Variants in KCTD1 observed in about 807,000 individuals in gnomAD.
KCTD1 encodes BTB/POZ domain-containing protein KCTD1.
In KCTD1, 24 loss-of-function variants were observed where a neutral mutation model predicts 66.0. That is an observed-to-expected ratio of 0.36 (90% CI 0.26 to 0.51). The LOEUF (loss-of-function observed/expected upper bound fraction) is 0.51, where lower values mean the gene tolerates loss of function less well. Ranked by LOEUF, KCTD1 falls within the 20% of genes least tolerant of loss-of-function variation. The probability of loss-of-function intolerance (pLI) is 0.95; values close to 1 mark genes in which losing one functional copy is unlikely to be tolerated. For synonymous variants in KCTD1, 511 were observed against 517.2 expected (o/e 0.99, Z 0.16); for missense variants, 943 against 1,205.2 (o/e 0.78, Z 3.22).
At chr18:26,654,577 G>C (rs1203168863) in intron 1 of KCTD1, among the ~76,000 whole-genome samples, 1 of 152,136 alleles carries the variant, frequency 6.6e-6, no homozygotes, top group Non-Finnish European at 1.5e-5. Context: ...TTTATATATT[G>C]TGCTTCAGGC....
chr18:26,611,648 G>T (rs540473431), intron 1 of KCTD1, among the ~76,000 whole-genome samples: 62 of 152,248 alleles, frequency 4.1e-4, no homozygotes, highest in Non-Finnish European at 7.6e-4. Flanking sequence ...ACCATGCCTG[G>T]CCATAATAAC....
intron 3 of KCTD1, among the ~76,000 whole-genome samples, chr18:26,465,606 C>T (rs1219280003): frequency 6.6e-6 from 1 of 152,210 alleles, no homozygotes; most frequent in Admixed American, 6.5e-5. Context: ...CCGTCTACGC[C>T]CTGCCACTGT....
intron 1 of KCTD1, among the ~76,000 whole-genome samples, chr18:26,639,727 T>G (rs891649361): frequency 6.6e-6 from 1 of 152,194 alleles, no homozygotes; most frequent in Non-Finnish European, 1.5e-5. Context: ...ACAACACCGC[T>G]GTGCTGTAGG....
intron 1 of KCTD1, among the ~76,000 whole-genome samples, chr18:26,600,495 G>A (rs1051914244): frequency 6.6e-6 from 1 of 152,074 alleles, no homozygotes; most frequent in Non-Finnish European, 1.5e-5. Context: ...CTGGCTGGGG[G>A]GGGTGCAGTG....
intron 1 of KCTD1, among the ~76,000 whole-genome samples, chr18:26,531,857 C>T (rs776703900): frequency 1.5e-4 from 23 of 152,200 alleles, no homozygotes; most frequent in Non-Finnish European, 2.5e-4. Flanking sequence ...GCTAATCCCA[C>T]GATTCTTTAG....
chr18:26,492,135 G>T (rs1982232214), intron 2 of KCTD1, among the ~76,000 whole-genome samples: 1 of 152,122 alleles, frequency 6.6e-6, no homozygotes, highest in Admixed American at 6.5e-5. Flanking sequence ...CCAGTTACTT[G>T]AGAGGCTAAG....
At chr18:26,613,013 T>C (rs935473636) in intron 1 of KCTD1, among the ~76,000 whole-genome samples, 2 of 152,204 alleles carry the variant, frequency 1.3e-5, no homozygotes, top group African/African-American at 4.8e-5. Flanking sequence ...TTTCATATTC[T>C]GGGGACTATG....
At chr18:26,559,326 T>G (rs1006711579) in intron 1 of KCTD1, among the ~76,000 whole-genome samples, 1 of 152,238 alleles carries the variant, frequency 6.6e-6, no homozygotes, top group Non-Finnish European at 1.5e-5. Flanking sequence ...ATGTGGTTAT[T>G]ATGCATTGCA....
rs116729428 is a variant in KCTD1 at position 26,638,089 on chromosome 18, C to T, written c.-107+2222G>A. 3.9e-3 allele frequency among the ~76,000 whole-genome samples: 591 copies of T among 152,290 alleles called. 4 individuals are homozygous for T. The highest frequency in any genetic ancestry group is 0.014 in the African/African-American group (567 of 41,554). ...GCAAATTAATCATCTACCAGTATATCCAGGTCTTTTGCACTCACTGTACAT... is the reference window on the plus strand; with the variant it reads ...GCAAATTAATCATCTACCAGTATATTCAGGTCTTTTGCACTCACTGTACAT... On this transcript the variant is annotated intron_variant, in intron 1 of 5. Coordinates refer to the KCTD1 transcript ENST00000579973.
chr18:26,543,863 T>A (rs1985088659), intron 1 of KCTD1: 1 of 152,228 alleles, frequency 6.6e-6, no homozygotes, highest in South Asian at 2.1e-4. Flanking sequence ...GTGACAAAAC[T>A]ATGACATTCA....
intron 1 of KCTD1, among the ~76,000 whole-genome samples, chr18:26,563,340 C>G (rs1441274515): frequency 6.6e-6 from 1 of 152,178 alleles, no homozygotes; most frequent in Non-Finnish European, 1.5e-5. Flanking sequence ...ACAAACCAAA[C>G]TATAACGTAC....
In KCTD1 at chr18:26,510,117, C is replaced by T. The variant is rs139371247; in HGVS notation, c.1810-8867G>A. Among the ~76,000 whole-genome samples the T allele has an allele frequency of 5.9e-5, 9 of 152,302 alleles. No homozygotes were observed. The East Asian group carries it at 1.7e-3, about 29-fold the overall frequency. On this transcript the variant is annotated intron_variant, in intron 1 of 4. Transcript: ENST00000580059. Reference sequence around the variant, plus strand: ...GCCTAGCGAGAAGTACAGTGAACTACTCTAAGGTCGCTGAGCGGCAAGGCC... The same window carrying T: ...GCCTAGCGAGAAGTACAGTGAACTATTCTAAGGTCGCTGAGCGGCAAGGCC...
chr18:26,630,504 C>T (rs1372548095), upstream of KCTD1, among the ~76,000 whole-genome samples: 1 of 152,038 alleles, frequency 6.6e-6, no homozygotes, highest in Non-Finnish European at 1.5e-5. Context: ...TTTGTAGAAA[C>T]AGGGTCTTGC....
At chr18:26,562,382 T>C (rs556160090) in intron 1 of KCTD1, among the ~76,000 whole-genome samples, 28 of 134,708 alleles carry the variant, frequency 2.1e-4, no homozygotes, top group African/African-American at 7.4e-4. Context: ...CGGGCACACA[T>C]CACCATGCTC....
At chr18:26,485,402 G>C (rs569546065) in intron 2 of KCTD1, among the ~76,000 whole-genome samples, 1 of 152,316 alleles carries the variant, frequency 6.6e-6, no homozygotes, top group East Asian at 1.9e-4. Context: ...GCGTGGCCTT[G>C]GTAAATGCTG....
chr18:26,649,885 T>C (rs1320230546), intron 1 of KCTD1, among the ~76,000 whole-genome samples: 1 of 152,176 alleles, frequency 6.6e-6, no homozygotes, highest in Non-Finnish European at 1.5e-5. Context: ...TACTTGCCAA[T>C]GTGTGTCACT....
At chr18:26,521,208 T>A (rs1983894434) in intron 1 of KCTD1, among the ~76,000 whole-genome samples, 1 of 152,224 alleles carries the variant, frequency 6.6e-6, no homozygotes, top group Non-Finnish European at 1.5e-5. Context: ...CCTGCGAGTC[T>A]GCTAATCACA....
chr18:26,468,397 G>A lies in KCTD1; in HGVS notation c.2133+8118C>T, dbSNP rs1365335458. ...CTCGGACAGCACATTTGCGGAATGA[G>A]ATTTTAGGGGTGGAGGATCTTGTGA... On this transcript the variant is annotated intron_variant, in intron 3 of 4. Transcript: ENST00000580059. The surrounding 1 kb of genome is among the most constrained non-coding windows in gnomAD (Gnocchi z 4.8). Among the ~76,000 whole-genome samples the A allele has an allele frequency of 1.3e-5, 2 of 152,210 alleles. No individual in the cohort carries two copies. Among genetic ancestry groups the A allele is most frequent in the African/African-American group, 4.8e-5 (2 of 41,452 alleles).
chr18:26,560,046 G>A (rs1985808767), intron 1 of KCTD1, among the ~76,000 whole-genome samples: 1 of 151,630 alleles, frequency 6.6e-6, no homozygotes, highest in South Asian at 2.1e-4. Flanking sequence ...CTCAACATTG[G>A]CTATATCTTA....
Sources: gnomAD v4.1 joint callset for allele counts (sites outside exome capture counted in the v4.1 genomes callset) on GRCh38, gnomAD v4.1.1 for gene constraint, Gnocchi (gnomAD v3.1) non-coding constraint, MANE v1.5 for transcripts, NCBI Gene and HGNC (gene_info 2026-07-23, HGNC 2026-07-21) for gene names.